Variants in FRMPD4 observed in about 807,000 individuals in gnomAD.
FRMPD4 encodes the protein FERM and PDZ domain containing 4.
A neutral mutation model predicts 94.1 loss-of-function variants in FRMPD4; 22 were observed. The observed-to-expected ratio is 0.23, with a 90% CI of 0.17 to 0.33. The LOEUF (loss-of-function observed/expected upper bound fraction) is 0.33, where lower values mean the gene tolerates loss of function less well. Among genes scored for constraint, FRMPD4 ranks in the 10% least tolerant of loss-of-function variants. FRMPD4 has a pLI of 1.00. For synonymous variants in FRMPD4, 631 were observed against 548.6 expected (o/e 1.15, Z -2.10); for missense variants, 1,111 against 1,339.9 (o/e 0.83, Z 2.67).
At chrX:12,398,544 T>C (rs572954551) in intron 1 of FRMPD4, among the ~76,000 whole-genome samples, 50 of 111,612 alleles carry the variant, frequency 4.5e-4, no homozygotes, top group Middle Eastern at 9.2e-3. Context: ...AAAGTTATTA[T>C]TTTTGTGCTT....
Position 12,039,802 on chromosome X carries a change from T to G in FRMPD4, c.95+161784T>G, listed in dbSNP as rs761452907. On this transcript the variant is annotated intron_variant, in intron 3 of 18. Coordinates refer to the FRMPD4 transcript ENST00000640291. ...CTGACCAACGTGGAGAAACCCCATC[T>G]CTACTAAAAATACAAAATTAGTTGG... Among the ~76,000 whole-genome samples the G allele has an allele frequency of 2.1e-3, 234 of 108,902 alleles. 1 individual carries two copies. Among genetic ancestry groups the G allele is most frequent in the African/African-American group, 7.2e-3 (215 of 29,880 alleles). The allele number at this position is 108,902 out of a possible 115,157, so 94.6% of individuals were successfully genotyped here.
At chrX:12,080,109 G>C (rs1390205958) in intron 3 of FRMPD4, among the ~76,000 whole-genome samples, 1 of 112,067 alleles carries the variant, frequency 8.9e-6, no homozygotes, top group African/African-American at 3.2e-5. Context: ...AGAGAGGAGA[G>C]GATGATAGCA....
At chrX:12,058,376 G>C (rs1309567294) in intron 3 of FRMPD4, among the ~76,000 whole-genome samples, 1 of 111,481 alleles carries the variant, frequency 9.0e-6, no homozygotes, top group African/African-American at 3.3e-5. Flanking sequence ...AAGATTGAGA[G>C]ATGGGGGAAT....
intron 3 of FRMPD4, among the ~76,000 whole-genome samples, chrX:12,089,941 G>A (rs1472374253): frequency 8.9e-6 from 1 of 111,890 alleles, no homozygotes; most frequent in Non-Finnish European, 1.9e-5. Context: ...CTGCAAGTGA[G>A]TGTGGGATGA....
rs1003862981 is a variant in FRMPD4, at chrX:12,415,344, A to G, written c.42-83336A>G. Reference sequence around the variant, plus strand: ...GGCAATATATGTTGTTTTCAAAAAGATAGTCCTGAGCCCTGCAACCCTTAC... The same window carrying G: ...GGCAATATATGTTGTTTTCAAAAAGGTAGTCCTGAGCCCTGCAACCCTTAC... On this transcript the variant is annotated intron_variant, in intron 1 of 16. Coordinates refer to ENST00000675598, the MANE Select transcript of FRMPD4 (RefSeq NM_001368397.1). Among the ~76,000 whole-genome samples the G allele has an allele frequency of 3.6e-5, 4 of 111,378 alleles. No individual in the cohort carries two copies. The Admixed American group carries it at 3.8e-4, about 11-fold the overall frequency.
chrX:12,550,346 A>G (rs1177171052), intron 2 of FRMPD4, among the ~76,000 whole-genome samples: 5 of 62,716 alleles, frequency 8.0e-5, no homozygotes, highest in Non-Finnish European at 1.8e-4. Context: ...GAAAATAACC[A>G]AGCCAAAATG....
In FRMPD4 at chrX:12,146,168, C is replaced by A. The variant is rs187722113; in HGVS notation, c.41+7156C>A. On this transcript the variant is annotated intron_variant, in intron 1 of 16. Transcript: ENST00000675598. Reference sequence around the variant, plus strand: ...CACAAGGTCAGGAGATCGAGACCATCCTGGCTAACACGGTCAAACCCCGTC... The same window carrying A: ...CACAAGGTCAGGAGATCGAGACCATACTGGCTAACACGGTCAAACCCCGTC... 3.6e-3 allele frequency among the ~76,000 whole-genome samples: 394 copies of A among 110,536 alleles called. 3 individuals carry two copies. The highest frequency in any genetic ancestry group is 5.2e-3 in the Non-Finnish European group (274 of 52,818).
intron 3 of FRMPD4, among the ~76,000 whole-genome samples, chrX:12,043,279 C>T (rs899379618): frequency 7.2e-5 from 8 of 111,319 alleles, no homozygotes; most frequent in South Asian, 3.7e-4. Flanking sequence ...TTGTGGTAAA[C>T]GAAATGATAT....
At chrX:11,898,470 C>T (rs2053916589) in intron 3 of FRMPD4, among the ~76,000 whole-genome samples, 1 of 111,566 alleles carries the variant, frequency 9.0e-6, no homozygotes, top group South Asian at 3.7e-4. Context: ...TAGATGCAGT[C>T]CCTGGACCAG....
At chrX:12,069,816 A>G (rs1457597738) in intron 3 of FRMPD4, among the ~76,000 whole-genome samples, 2 of 111,689 alleles carry the variant, frequency 1.8e-5, no homozygotes, top group African/African-American at 6.5e-5. Context: ...AGAGATTAGC[A>G]TATCAAATAT....
At chrX:12,123,449 C>T (rs1021613491) in intron 3 of FRMPD4, among the ~76,000 whole-genome samples, 2 of 111,595 alleles carry the variant, frequency 1.8e-5, no homozygotes, top group Non-Finnish European at 3.8e-5. Context: ...TGATTTTCTT[C>T]TGGGTTCCTT....
chrX:12,166,701 G>A (rs190985165), intron 1 of FRMPD4, among the ~76,000 whole-genome samples: 15,712 of 110,111 alleles, frequency 0.14, 963 homozygotes, highest in South Asian at 0.3. Flanking sequence ...TTGGTTGGTA[G>A]GCTATTAATT....
chrX:12,010,518 C>A (rs1228385394), intron 3 of FRMPD4, among the ~76,000 whole-genome samples: 4 of 112,107 alleles, frequency 3.6e-5, no homozygotes, highest in Non-Finnish European at 7.5e-5. Flanking sequence ...ATGTATTAGG[C>A]TTTGTGGGCC....
chrX:12,455,739 A>G (rs2057326418), intron 1 of FRMPD4, among the ~76,000 whole-genome samples: 1 of 112,046 alleles, frequency 8.9e-6, no homozygotes, highest in Non-Finnish European at 1.9e-5. Context: ...ACTGAAGGTA[A>G]ATGTCTCATT....
chrX:12,230,702 A>G (rs778371555), intron 1 of FRMPD4, among the ~76,000 whole-genome samples: 1 of 106,585 alleles, frequency 9.4e-6, no homozygotes, highest in East Asian at 2.9e-4. Flanking sequence ...CATAAACCAA[A>G]GAGTTTTTCT....
At chrX:12,092,944 G>T (rs531593495) in intron 3 of FRMPD4, among the ~76,000 whole-genome samples, 11 of 111,855 alleles carry the variant, frequency 9.8e-5, no homozygotes, top group African/African-American at 3.2e-4. Context: ...AGGTCTGCCT[G>T]TGAAGGTTAC....
Position 12,012,091 on chromosome X carries a change from G to A in FRMPD4, c.95+134073G>A, listed in dbSNP as rs753404351. ...AATTTTTGTATTTTTAGTAGAGACGGGGTTTCACCATGTTGGCCAGGATGG... is the reference window on the plus strand; with the variant it reads ...AATTTTTGTATTTTTAGTAGAGACGAGGTTTCACCATGTTGGCCAGGATGG... On this transcript the variant is annotated intron_variant, in intron 3 of 18. Coordinates refer to the FRMPD4 transcript ENST00000640291. 7.2e-5 allele frequency among the ~76,000 whole-genome samples: 8 copies of A among 110,650 alleles called. No homozygotes were observed. The East Asian group carries it at 2.0e-3, about 27-fold the overall frequency.
intron 1 of FRMPD4, among the ~76,000 whole-genome samples, chrX:12,269,495 G>A (rs1004182858): frequency 1.8e-5 from 2 of 112,164 alleles, no homozygotes; most frequent in African/African-American, 6.5e-5. Context: ...GTCCACTCAC[G>A]TCATTGATAG....
At chrX:11,830,596 C>T (rs2053469495) in intron 1 of FRMPD4, among the ~76,000 whole-genome samples, 2 of 111,844 alleles carry the variant, frequency 1.8e-5, no homozygotes, top group African/African-American at 6.5e-5. Flanking sequence ...TAGTAAGCTC[C>T]ACAACATAAG....
Sources: allele counts gnomAD v4.1 joint callset (sites outside exome capture counted in the v4.1 genomes callset), GRCh38; gene constraint gnomAD v4.1.1; transcripts MANE v1.5; gene names NCBI Gene and HGNC (gene_info 2026-07-23, HGNC 2026-07-21).